The following VPS9D1 variants were observed in gnomAD, a reference collection of about 807,000 sequenced individuals.
VPS9D1 encodes the protein VPS9 domain containing 1, also known as VPS9 domain-containing protein 1.
In VPS9D1, 78 loss-of-function variants were observed where a neutral mutation model predicts 75.8. The ratio of observed to expected loss-of-function variants is 1.03; its 90% confidence interval spans 0.86 to 1.24. The LOEUF is 1.24. Among genes scored for constraint, VPS9D1 ranks in the 50% most tolerant of loss-of-function variants. The pLI is 0.00. For synonymous variants in VPS9D1, 481 were observed against 385.6 expected (o/e 1.25, Z -2.90); for missense variants, 1,057 against 847.7 (o/e 1.25, Z -3.07).
rs1355643839 is a variant in VPS9D1, at chr16:89,719,380, G to GA, written c.100-279dup. ...CGAGCTGGACCTCATTTTCTCCTCTGACTGCCTTTCTCTCCAGCACAGGAA... is the reference window on the plus strand; with the variant it reads ...CGAGCTGGACCTCATTTTCTCCTCTGAACTGCCTTTCTCTCCAGCACAGGAA... On this transcript the variant is annotated intron_variant, in intron 1 of 14. Coordinates refer to ENST00000389386, the MANE Select transcript of VPS9D1 (RefSeq NM_004913.3). 4 of 553,616 alleles carry GA rather than the reference G, an allele frequency of 7.2e-6. No individual in the cohort carries two copies. The African/African-American group carries it at 7.5e-5, about 10-fold the overall frequency. The allele number at this position is 553,616 out of a possible 1,614,324, so 34.3% of individuals were successfully genotyped here. A position where few individuals can be genotyped will look rare whatever the true frequency, so the allele number is the denominator to read the frequency against.
At chr16:89,720,044 C>T (rs1476264292) in intron 1 of VPS9D1, among the ~76,000 whole-genome samples, 1 of 152,186 alleles carries the variant, frequency 6.6e-6, no homozygotes, top group Non-Finnish European at 1.5e-5. Context: ...TGTTTTATCC[C>T]TAGCTGTTAA....
rs550451886 is a variant in VPS9D1, at chr16:89,720,361, T to G, written c.99+402A>C. On this transcript the variant is annotated intron_variant, in intron 1 of 14. Coordinates refer to ENST00000389386, the MANE Select transcript of VPS9D1 (RefSeq NM_004913.3). The stretch of plus-strand genomic sequence containing the variant: ...ACAGCATCACAAATGAGCAGGTATG[T>G]GGCCTTCTCTGCATGCCGTCCCCTG... The G allele has an allele frequency of 4.1e-5, 39 of 951,466 alleles. No homozygotes were observed. In the South Asian group the frequency reaches 1.6e-3, roughly 39 times the overall value. 58.9% of individuals were successfully genotyped at this position (951,466 alleles called of 1,614,324 possible).
intron 14 of VPS9D1, 122 bp from the exon 15 acceptor site, chr16:89,708,076 G>T: frequency 1.1e-6 from 1 of 932,446 alleles, no homozygotes; most frequent in South Asian, 1.5e-5. Flanking sequence ...GGCAGGTGGG[G>T]CTGTCAGGGC....
intron 12 of VPS9D1, 69 bp from the exon 13 acceptor site, chr16:89,709,025 G>GCCCCCCCCCCCCCC: frequency 3.2e-6 from 2 of 627,190 alleles, no homozygotes; most frequent in South Asian, 3.0e-5. Flanking sequence ...CTTATACCCC[G>GCCCCCCCCCCCCCC]CCCACCCACC....
At chr16:89,709,722 G>T in intron 11 of VPS9D1, 55 bp downstream of exon 11, 1 of 1,610,988 alleles carries the variant, frequency 6.2e-7, no homozygotes. Flanking sequence ...GCCTCCTGGG[G>T]GACTGGGCTG....
In VPS9D1 at chr16:89,709,133, C is replaced by T. The variant is rs60990888; in HGVS notation, c.1597+94G>A. On this transcript the variant is annotated intron_variant, in intron 12 of 14. Coordinates refer to ENST00000389386, the MANE Select transcript of VPS9D1 (RefSeq NM_004913.3). ...TGGTCCCCCAACCTCCCCACCGGCACGTGACAAGAGAAGCTCAGTGGTGAA... is the reference window on the plus strand; with the variant it reads ...TGGTCCCCCAACCTCCCCACCGGCATGTGACAAGAGAAGCTCAGTGGTGAA... The T allele has an allele frequency of 1.0e-3, 1,603 of 1,562,624 alleles. 12 individuals carry two copies. In the African/African-American group the frequency reaches 0.019, roughly 18 times the overall value.
At chr16:89,715,451 C>T (rs1051418119) in intron 4 of VPS9D1, among the ~76,000 whole-genome samples, 6 of 151,896 alleles carry the variant, frequency 4.0e-5, no homozygotes, top group Non-Finnish European at 8.8e-5. Flanking sequence ...TGGTCTCGAT[C>T]TCCTGACCTC....
rs375994010 is a variant in VPS9D1 at position 89,712,708 on chromosome 16, G to A, written c.440C>T (p.Thr147Met). Residue 147 changes from threonine to methionine, a missense_variant, in exon 5 of 15, where the codon ACG becomes ATG. By Grantham distance (81) the Thr-to-Met change is moderately conservative. Transcript: ENST00000389386. Reference sequence around the variant, plus strand: ...CTGCAGGGAGGCCTCCTCCAGTGGCGTCAGCTCTCTGGAAATGTGACAAGC... The same window carrying A: ...CTGCAGGGAGGCCTCCTCCAGTGGCATCAGCTCTCTGGAAATGTGACAAGC... ...AESQSCKKELTPLEEASLQNQ... is the reference protein window; with the variant it reads ...AESQSCKKELMPLEEASLQNQ... The A allele has an allele frequency of 6.2e-7, 1 of 1,600,788 alleles. No individual in the cohort carries two copies. Among genetic ancestry groups the A allele is most frequent in the Non-Finnish European group, 8.5e-7 (1 of 1,173,158 alleles).
intron 4 of VPS9D1, among the ~76,000 whole-genome samples, chr16:89,713,971 C>T (rs2061002828): frequency 1.3e-5 from 2 of 152,042 alleles, no homozygotes; most frequent in African/African-American, 4.8e-5. Context: ...CAGTCTCATT[C>T]TGTCGCCCAG....
chr16:89,714,589 C>A (rs189610160), intron 4 of VPS9D1, among the ~76,000 whole-genome samples: 1 of 152,208 alleles, frequency 6.6e-6, no homozygotes, highest in African/African-American at 2.4e-5. Context: ...AGCCAGGCCC[C>A]GCCAGAGCAG....
intron 2 of VPS9D1, chr16:89,717,528 G>A (rs1358099960): frequency 4.4e-6 from 2 of 455,086 alleles, no homozygotes; most frequent in East Asian, 7.0e-5. Flanking sequence ...TCTGTGACTC[G>A]CCCCTGGACC....
At chr16:89,712,377 C>T in intron 6 of VPS9D1, 83 bp downstream of exon 6, 27 of 1,584,268 alleles carry the variant, frequency 1.7e-5, no homozygotes, top group Non-Finnish European at 2.3e-5. Flanking sequence ...CCTCCGCTCC[C>T]CTCGCTGCCC....
In VPS9D1 at chr16:89,712,600, C is replaced by A; in HGVS notation, c.543+5G>T. The A allele has an allele frequency of 6.2e-7, 1 of 1,609,332 alleles. No individual in the cohort carries two copies. The highest frequency in any genetic ancestry group is 8.5e-7 in the Non-Finnish European group (1 of 1,178,304). On this transcript the variant is annotated splice_donor_5th_base_variant and intron_variant, in intron 5 of 14. Coordinates refer to ENST00000389386, the MANE Select transcript of VPS9D1 (RefSeq NM_004913.3). ...ACCCCCAGGCCCTCCCTAGCCCCCA[C>A]TCACCAGGGATGTCTTCTGCATGGC...
chr16:89,707,729 C>T lies in VPS9D1; in HGVS notation c.*132G>A. ...GAGCTGGAGAGCACACCACAGTGGA[C>T]AAGCCCCCACCATGTGCAGAGCAGC... is the stretch of plus-strand genomic sequence containing the variant. On this transcript the variant is annotated 3_prime_UTR_variant, in exon 15 of 15. Transcript: ENST00000389386. 1.3e-6 allele frequency: 1 copy of T among 757,136 alleles called. No homozygotes were observed. The highest frequency in any genetic ancestry group is 2.2e-6 in the Non-Finnish European group (1 of 456,588). 46.9% of individuals were successfully genotyped at this position (757,136 alleles called of 1,614,324 possible). A position where few individuals can be genotyped will look rare whatever the true frequency, so the allele number is the denominator to read the frequency against.
At position 89,719,012 on chromosome 16, in the gene VPS9D1, C is replaced by A; in HGVS notation, c.175+15G>T. On this transcript the variant is annotated intron_variant, in intron 2 of 14. Transcript: ENST00000389386. ...TACAGGCGTGAGCCACCGCGCCCGG[C>A]TGGCTGAGCCGTACCTTTAGTGGTT... is the stretch of plus-strand genomic sequence containing the variant. 1.2e-6 allele frequency: 2 copies of A among 1,609,612 alleles called. No individual in the cohort carries two copies. Among genetic ancestry groups the A allele is most frequent in the Non-Finnish European group, 1.7e-6 (2 of 1,177,208 alleles).
Position 89,712,604 on chromosome 16 carries a change from C to T in VPS9D1, c.543+1G>A. On this transcript the variant is annotated splice_donor_variant, in intron 5 of 14. Transcript: ENST00000389386. LOFTEE classifies it high-confidence loss of function. Reference sequence around the variant, plus strand: ...CCAGGCCCTCCCTAGCCCCCACTCACCAGGGATGTCTTCTGCATGGCCTGG... The same window carrying T: ...CCAGGCCCTCCCTAGCCCCCACTCATCAGGGATGTCTTCTGCATGGCCTGG... 1 of 1,609,378 alleles carries T rather than the reference C, an allele frequency of 6.2e-7. No homozygotes were observed. The highest frequency in any genetic ancestry group is 1.1e-5 in the South Asian group (1 of 90,978).
At position 89,711,647 on chromosome 16, in the gene VPS9D1, C is replaced by T. The variant is rs1173048351; in HGVS notation, c.747+235G>A. 6 of 661,376 alleles carry T rather than the reference C, an allele frequency of 9.1e-6. No individual in the cohort carries two copies. In the East Asian group the frequency reaches 1.4e-4, roughly 16 times the overall value. The allele number at this position is 661,376 out of a possible 1,614,324, so 41.0% of individuals were successfully genotyped here. ...ACCCTCCCTCCTCGCAGGGACCCTC[C>T]CTCCTCGCTGGGACCCTCCCACGCG... On this transcript the variant is annotated intron_variant, in intron 8 of 14. Transcript: ENST00000389386.
intron 4 of VPS9D1, among the ~76,000 whole-genome samples, chr16:89,713,835 C>T (rs1471831951): frequency 4.0e-5 from 6 of 151,692 alleles, no homozygotes. Flanking sequence ...GGTGAAACCC[C>T]GTCTCTATTA....
At chr16:89,711,229 T>C (rs1046474305) in intron 9 of VPS9D1, 98 bp downstream of exon 9, 2 of 1,357,890 alleles carry the variant, frequency 1.5e-6, no homozygotes, top group Admixed American at 4.3e-5. Context: ...GGGCACAGGC[T>C]CCCTGTGTCA....
Sources: gnomAD v4.1 joint callset for allele counts (sites outside exome capture counted in the v4.1 genomes callset) on GRCh38, gnomAD v4.1.1 for gene constraint, MANE v1.5 for transcripts, NCBI Gene and HGNC (gene_info 2026-07-23, HGNC 2026-07-21) for gene names.